Variants in CCSER1 observed in about 807,000 individuals in gnomAD.
CCSER1 encodes serine-rich coiled-coil domain-containing protein 1.
In CCSER1, 41 loss-of-function variants were observed where a neutral mutation model predicts 82.0. The ratio of observed to expected loss-of-function variants is 0.50; its 90% confidence interval spans 0.39 to 0.65. CCSER1 has a LOEUF of 0.65. Among genes scored for constraint, CCSER1 ranks in the 30% least tolerant of loss-of-function variants. CCSER1 has a pLI of 0.00. For synonymous variants in CCSER1, 414 were observed against 383.9 expected (o/e 1.08, Z -0.92); for missense variants, 1,119 against 1,064.2 (o/e 1.05, Z -0.72).
chr4:91,273,707 T>A (rs1742214071), intron 10 of CCSER1, among the ~76,000 whole-genome samples: 1 of 152,188 alleles, frequency 6.6e-6, no homozygotes, highest in Non-Finnish European at 1.5e-5. Context: ...TGCTTTAAAC[T>A]TTTCTCTATT....
chr4:90,525,682 C>T (rs1463526764), intron 5 of CCSER1, among the ~76,000 whole-genome samples: 1 of 152,082 alleles, frequency 6.6e-6, no homozygotes, highest in African/African-American at 2.4e-5. Flanking sequence ...AAATCATCAT[C>T]AAAGGCTGGA....
chr4:91,115,841 T>TTATATATATATATA (rs59028567), intron 10 of CCSER1, among the ~76,000 whole-genome samples: 1 of 115,242 alleles, frequency 8.7e-6, no homozygotes, highest in African/African-American at 3.8e-5. Context: ...TTCCATTCTT[T>TTATATATATATATA]TATATATATA....
chr4:90,172,145 A>G (rs1731819418), intron 1 of CCSER1, among the ~76,000 whole-genome samples: 1 of 151,938 alleles, frequency 6.6e-6, no homozygotes, highest in African/African-American at 2.4e-5. Context: ...ATGATCACAC[A>G]TGCAGTAACA....
intron 8 of CCSER1, among the ~76,000 whole-genome samples, chr4:90,825,141 A>G (rs1760247878): frequency 6.6e-6 from 1 of 152,236 alleles, no homozygotes; most frequent in South Asian, 2.1e-4. Flanking sequence ...AAGGGTTGTT[A>G]TATTGCAGTA....
intron 10 of CCSER1, among the ~76,000 whole-genome samples, chr4:91,407,517 G>A (rs1289702224): frequency 1.3e-5 from 2 of 152,148 alleles, no homozygotes; most frequent in African/African-American, 4.8e-5. Flanking sequence ...GTATGTTTGT[G>A]TTACTATAAA....
intron 10 of CCSER1, among the ~76,000 whole-genome samples, chr4:91,297,951 G>A (rs1041105590): frequency 3.3e-5 from 5 of 151,918 alleles, no homozygotes; most frequent in Admixed American, 1.3e-4. Flanking sequence ...GGATAAAATA[G>A]ATAAAAATTT....
chr4:90,698,751 T>A (rs2149265621), intron 6 of CCSER1, among the ~76,000 whole-genome samples: 1 of 152,274 alleles, frequency 6.6e-6, no homozygotes, highest in Non-Finnish European at 1.5e-5. Flanking sequence ...GAGGAAAGTT[T>A]ATTACACATG....
chr4:91,449,148 T>G (rs1188556494), intron 10 of CCSER1, among the ~76,000 whole-genome samples: 2 of 151,952 alleles, frequency 1.3e-5, no homozygotes, highest in African/African-American at 4.8e-5. Context: ...TTTATGTAAA[T>G]TATTCCTCAT....
intron 10 of CCSER1, among the ~76,000 whole-genome samples, chr4:91,595,306 C>T (rs1046848258): frequency 2.0e-5 from 3 of 152,120 alleles, no homozygotes; most frequent in Non-Finnish European, 4.4e-5. Flanking sequence ...CCTAAGAACA[C>T]TCCCCAATAC....
intron 5 of CCSER1, among the ~76,000 whole-genome samples, chr4:90,470,782 C>CAAAAAAAA (rs1166283970): frequency 8.8e-6 from 1 of 113,330 alleles, no homozygotes; most frequent in African/African-American, 3.1e-5. Context: ...AAAAAAAAAA[C>CAAAAAAAA]AAAACACCCA....
rs1220234344 is a variant in CCSER1, at chr4:91,055,001, G to T, written c.2173-30949G>T. Among the ~76,000 whole-genome samples, 6 of 152,074 alleles carry T rather than the reference G, an allele frequency of 3.9e-5. No individual in the cohort carries two copies. The East Asian group carries it at 1.2e-3, about 29-fold the overall frequency. The stretch of plus-strand genomic sequence containing the variant: ...ATTTAAAGACTTTACTGATAAAAAA[G>T]AACTTACTTCTGTCATATTGTGATT... On this transcript the variant is annotated intron_variant, in intron 9 of 10. Transcript: ENST00000509176.
intron 5 of CCSER1, among the ~76,000 whole-genome samples, chr4:90,571,581 C>T (rs1489357124): frequency 2.6e-5 from 4 of 152,028 alleles, no homozygotes; most frequent in Non-Finnish European, 5.9e-5. Context: ...CAATAGACAA[C>T]AGAGACTCCA....
chr4:90,828,652 T>A (rs189929993), intron 8 of CCSER1, among the ~76,000 whole-genome samples: 1 of 152,320 alleles, frequency 6.6e-6, no homozygotes, highest in South Asian at 2.1e-4. Context: ...TGAGCTTAAG[T>A]GTTTTTCCTG....
At chr4:91,168,871 C>T (rs1732453543) in intron 10 of CCSER1, among the ~76,000 whole-genome samples, 1 of 152,146 alleles carries the variant, frequency 6.6e-6, no homozygotes, top group African/African-American at 2.4e-5. Flanking sequence ...ATTCTTCTGC[C>T]TTGGGATGCT....
chr4:90,760,601 C>T (rs540799071), intron 7 of CCSER1, among the ~76,000 whole-genome samples: 1 of 151,904 alleles, frequency 6.6e-6, no homozygotes, highest in Non-Finnish European at 1.5e-5. Flanking sequence ...AAATTTCAGA[C>T]TTTCAATGTA....
intron 9 of CCSER1, among the ~76,000 whole-genome samples, chr4:91,063,860 C>T (rs542044704): frequency 1.3e-5 from 2 of 152,098 alleles, no homozygotes; most frequent in Non-Finnish European, 2.9e-5. Flanking sequence ...TTACATACTC[C>T]GAATTGGTTC....
At chr4:90,482,735 G>C (rs946327836) in intron 5 of CCSER1, among the ~76,000 whole-genome samples, 2 of 152,198 alleles carry the variant, frequency 1.3e-5, no homozygotes, top group Admixed American at 1.3e-4. Flanking sequence ...TGATCTGAGA[G>C]ACAGTTTGTT....
rs180711067 is a variant in CCSER1 at position 90,964,864 on chromosome 4, G to T, written c.2172+41417G>T. Among the ~76,000 whole-genome samples the T allele has an allele frequency of 2.0e-3, 311 of 151,838 alleles. 4 individuals are homozygous for T. Among genetic ancestry groups the T allele is most frequent in the African/African-American group, 7.3e-3 (303 of 41,346 alleles). On this transcript the variant is annotated intron_variant, in intron 9 of 10. Coordinates refer to ENST00000509176, the MANE Select transcript of CCSER1 (RefSeq NM_001145065.2). ...ATTAGGGGTAAATGGTTGAATCTCAGTTCTAACAGCAAACATTGTGTTATT... is the reference window on the plus strand; with the variant it reads ...ATTAGGGGTAAATGGTTGAATCTCATTTCTAACAGCAAACATTGTGTTATT...
At chr4:90,412,234 A>T (rs1420727343) in intron 4 of CCSER1, among the ~76,000 whole-genome samples, 5 of 147,628 alleles carry the variant, frequency 3.4e-5, no homozygotes, top group Non-Finnish European at 7.4e-5. Flanking sequence ...CAAACACCGC[A>T]TGTTCTCACT....
Sources: gnomAD v4.1 joint callset for allele counts (sites outside exome capture counted in the v4.1 genomes callset) on GRCh38, gnomAD v4.1.1 for gene constraint, MANE v1.5 for transcripts, NCBI Gene and HGNC (gene_info 2026-07-23, HGNC 2026-07-21) for gene names.